The following DLGAP2 variants were observed in gnomAD, a reference collection of about 807,000 sequenced individuals.
The protein encoded by DLGAP2 is DLG associated protein 2.
Under a neutral mutation model 100.3 loss-of-function variants are expected in DLGAP2, and 26 were observed. The observed-to-expected ratio is 0.26, with a 90% CI of 0.19 to 0.36. The LOEUF (loss-of-function observed/expected upper bound fraction) is 0.36, where lower values mean the gene tolerates loss of function less well. Among genes scored for constraint, DLGAP2 ranks in the 10% least tolerant of loss-of-function variants. The pLI, the probability that DLGAP2 is intolerant of heterozygous loss-of-function variation, is 1.00. For synonymous variants in DLGAP2, 886 were observed against 630.1 expected (o/e 1.41, Z -6.08); for missense variants, 1,858 against 1,453.2 (o/e 1.28, Z -4.53).
chr8:833,734 C>G, intron 1 of DLGAP2, among the ~76,000 whole-genome samples: 1 of 152,142 alleles, frequency 6.6e-6, no homozygotes, highest in Non-Finnish European at 1.5e-5. Context: ...ATTCTGCTGC[C>G]AGAGGACTTG....
intron 2 of DLGAP2, among the ~76,000 whole-genome samples, chr8:1,013,702 G>C (rs1801372661): frequency 1.4e-5 from 1 of 71,404 alleles, no homozygotes; most frequent in Admixed American, 1.5e-4. Context: ...TGCCTCCATT[G>C]TGTGTATGAC....
intron 8 of DLGAP2, among the ~76,000 whole-genome samples, chr8:1,646,573 C>T (rs1480136975): frequency 6.6e-6 from 1 of 152,226 alleles, no homozygotes; most frequent in African/African-American, 2.4e-5. Flanking sequence ...AGAGAATTCT[C>T]ACCATCAGCT....
chr8:1,435,938 G>C (rs753754427), intron 3 of DLGAP2, among the ~76,000 whole-genome samples: 41 of 152,198 alleles, frequency 2.7e-4, no homozygotes, highest in Middle Eastern at 3.4e-3. Context: ...AGAATATAAA[G>C]AAAAATATTT....
At chr8:1,028,114 A>C in intron 2 of DLGAP2, among the ~76,000 whole-genome samples, 1 of 134,400 alleles carries the variant, frequency 7.4e-6, no homozygotes, top group African/African-American at 2.9e-5. Flanking sequence ...GGGGCCCGTT[A>C]TTCTCCAGGT....
At chr8:1,364,508 G>GA (rs1026406439) in intron 3 of DLGAP2, among the ~76,000 whole-genome samples, 54 of 149,858 alleles carry the variant, frequency 3.6e-4, no homozygotes, top group Non-Finnish European at 7.0e-4. Flanking sequence ...AGGGCGGGGG[G>GA]GGTGCAGCGA....
At chr8:1,622,414 A>G (rs907218871) in intron 6 of DLGAP2, 1 of 152,210 alleles carries the variant, frequency 6.6e-6, no homozygotes, top group African/African-American at 2.4e-5. Flanking sequence ...GTTTAGATGG[A>G]TCTAAACAGC....
chr8:1,198,615 C>G (rs1197045195), intron 2 of DLGAP2, among the ~76,000 whole-genome samples: 1 of 152,186 alleles, frequency 6.6e-6, no homozygotes, highest in Non-Finnish European at 1.5e-5. Context: ...GCTCTGCAGA[C>G]TGGCAGACCC....
intron 6 of DLGAP2, among the ~76,000 whole-genome samples, chr8:1,613,449 G>A (rs1309085016): frequency 4.0e-5 from 6 of 151,854 alleles, no homozygotes; most frequent in South Asian, 4.2e-4. Flanking sequence ...GCTAGATGAC[G>A]AGTTAGTGGG....
chr8:912,636 G>GTGGTCTTTCCCCTCAGT (rs1798508537), intron 2 of DLGAP2, among the ~76,000 whole-genome samples: 2 of 146,408 alleles, frequency 1.4e-5, no homozygotes, highest in African/African-American at 5.0e-5. Context: ...CCTCTCTGTG[G>GTGGTCTTTCCCCTCAGT]AGCTGAGCCC....
chr8:928,937 T>G (rs1430653360), intron 2 of DLGAP2, among the ~76,000 whole-genome samples: 1 of 149,696 alleles, frequency 6.7e-6, no homozygotes, highest in Non-Finnish European at 1.5e-5. Context: ...TGCAACACAC[T>G]GCTCAAGGTT....
chr8:1,242,338 G>A (rs565336784), intron 2 of DLGAP2, among the ~76,000 whole-genome samples: 6 of 152,164 alleles, frequency 3.9e-5, no homozygotes, highest in Non-Finnish European at 8.8e-5. Context: ...ATTTGGAGGA[G>A]CTATGCCATT....
intron 4 of DLGAP2, among the ~76,000 whole-genome samples, chr8:1,514,847 C>T (rs1057366780): frequency 1.3e-5 from 2 of 152,186 alleles, no homozygotes; most frequent in Non-Finnish European, 2.9e-5. Flanking sequence ...CGTGATGCCA[C>T]CCAGAGTCTG....
intron 6 of DLGAP2, among the ~76,000 whole-genome samples, chr8:1,595,037 TTTTTTTTC>T (rs1189187017): frequency 3.3e-5 from 5 of 151,790 alleles, no homozygotes; most frequent in African/African-American, 7.2e-5. Flanking sequence ...TGGGGTTTCT[TTTTTTTTC>T]TTTTTTTCTT....
intron 1 of DLGAP2, among the ~76,000 whole-genome samples, chr8:850,688 T>G (rs991336185): frequency 6.6e-6 from 1 of 152,242 alleles, no homozygotes; most frequent in African/African-American, 2.4e-5. Flanking sequence ...GGCCTTTATG[T>G]ATTTTAGAAT....
intron 4 of DLGAP2, among the ~76,000 whole-genome samples, chr8:1,528,126 C>A (rs541947157): frequency 3.7e-4 from 56 of 152,358 alleles, no homozygotes; most frequent in African/African-American, 1.3e-3. Flanking sequence ...GTCCAGGCCT[C>A]CACCCCGTCG....
intron 2 of DLGAP2, among the ~76,000 whole-genome samples, chr8:915,024 A>C (rs1341691426): frequency 6.6e-6 from 1 of 152,206 alleles, no homozygotes; most frequent in Non-Finnish European, 1.5e-5. Flanking sequence ...CTTTGTGTGT[A>C]ACTATCGACA....
chr8:1,132,157 A>G (rs1187733430), intron 2 of DLGAP2, among the ~76,000 whole-genome samples: 1 of 152,256 alleles, frequency 6.6e-6, no homozygotes, highest in Non-Finnish European at 1.5e-5. Context: ...ATTTGAGAGT[A>G]AAAATCTACT....
chr8:828,327 G>C lies in DLGAP2; in HGVS notation c.19-79585G>C, dbSNP rs182210064. Reference sequence around the variant, plus strand: ...ACCATAAGAGACAGGTACGCCCCGGGGGGGCCAGTTCAGAGACCTACCCCT... The same window carrying C: ...ACCATAAGAGACAGGTACGCCCCGGCGGGGCCAGTTCAGAGACCTACCCCT... On this transcript the variant is annotated intron_variant, in intron 1 of 14. Transcript: ENST00000637795. Among the ~76,000 whole-genome samples, 167 of 152,288 alleles carry C rather than the reference G, an allele frequency of 1.1e-3. 1 individual carries two copies. Among genetic ancestry groups the C allele is most frequent in the African/African-American group, 3.8e-3 (159 of 41,554 alleles).
intron 3 of DLGAP2, among the ~76,000 whole-genome samples, chr8:1,271,400 A>G (rs1194791481): frequency 6.6e-6 from 1 of 152,202 alleles, no homozygotes; most frequent in African/African-American, 2.4e-5. Context: ...CTTCTGTTTT[A>G]CTTTTATTCT....
Sources: gnomAD v4.1 joint callset for allele counts (sites outside exome capture counted in the v4.1 genomes callset) on GRCh38, gnomAD v4.1.1 for gene constraint, MANE v1.5 for transcripts, NCBI Gene and HGNC (gene_info 2026-07-23, HGNC 2026-07-21) for gene names.